HIVEP2: variants seen among roughly 807,000 people sequenced by gnomAD.
HIVEP2 encodes the protein HIVEP zinc finger 2, also known as transcription factor HIVEP2.
A neutral mutation model predicts 180.7 loss-of-function variants in HIVEP2; 14 were observed. That is an observed-to-expected ratio of 0.08 (90% CI 0.05 to 0.12). HIVEP2 has a LOEUF of 0.12. Among genes scored for constraint, HIVEP2 ranks in the 10% least tolerant of loss-of-function variants. The pLI, the probability that HIVEP2 is intolerant of heterozygous loss-of-function variation, is 1.00. For missense variants in HIVEP2, 2,579 were observed against 3,008.5 expected (o/e 0.86, Z 3.34); for synonymous variants, 1,184 against 1,136.4 (o/e 1.04, Z -0.84).
intron 1 of HIVEP2, among the ~76,000 whole-genome samples, chr6:142,840,420 G>C (rs1031237334): frequency 2.0e-5 from 3 of 151,814 alleles, no homozygotes; most frequent in Non-Finnish European, 2.9e-5. Context: ...TTAAAACATT[G>C]ATGACATTTT....
At position 142,776,252 on chromosome 6, in the gene HIVEP2, T is replaced by C. The variant is rs147416884; in HGVS notation, c.-432-61A>G. On this transcript the variant is annotated intron_variant, in intron 3 of 9. Transcript: ENST00000367603. ...TCCATTAAACCTTACCATCGATATATACAAATACAAATTCCAATTTCCAGT... is the reference window on the plus strand; with the variant it reads ...TCCATTAAACCTTACCATCGATATACACAAATACAAATTCCAATTTCCAGT... The C allele has an allele frequency of 7.9e-5, 12 of 152,676 alleles. No individual in the cohort carries two copies. In the East Asian group the frequency reaches 1.7e-3, roughly 22 times the overall value. The allele number at this position is 152,676 out of a possible 1,614,324, so 9.5% of individuals were successfully genotyped here.
intron 1 of HIVEP2, among the ~76,000 whole-genome samples, chr6:142,838,772 T>A (rs1775287613): frequency 6.6e-6 from 1 of 152,162 alleles, no homozygotes; most frequent in South Asian, 2.1e-4. Flanking sequence ...TAAAACTGAC[T>A]TACGCAAAAG....
intron 3 of HIVEP2, among the ~76,000 whole-genome samples, 195 bp downstream of exon 3, chr6:142,783,326 C>CA (rs567202980): frequency 0.3 from 20,733 of 70,266 alleles, 5,572 homozygotes; most frequent in East Asian, 0.54. Context: ...GACTCCGTCA[C>CA]AAAAAAAAAA....
intron 9 of HIVEP2, among the ~76,000 whole-genome samples, chr6:142,758,313 A>G (rs1339519542): frequency 6.6e-6 from 1 of 152,212 alleles, no homozygotes; most frequent in Non-Finnish European, 1.5e-5. Flanking sequence ...AGACTTGTGA[A>G]AAGATGGTGC....
chr6:142,806,644 T>C (rs1271760903), intron 2 of HIVEP2, among the ~76,000 whole-genome samples: 3 of 152,168 alleles, frequency 2.0e-5, no homozygotes, highest in African/African-American at 4.8e-5. Flanking sequence ...TTTCTAGAGG[T>C]AGGCTTTGAG....
intron 1 of HIVEP2, among the ~76,000 whole-genome samples, chr6:142,942,245 T>C (rs530203927): frequency 1.3e-4 from 20 of 151,882 alleles, no homozygotes; most frequent in Non-Finnish European, 2.5e-4. Context: ...CCCAATACAG[T>C]GTACAACACA....
intron 1 of HIVEP2, among the ~76,000 whole-genome samples, chr6:142,877,517 C>G (rs1167986755): frequency 6.6e-6 from 1 of 152,152 alleles, no homozygotes. Context: ...TTAGGATTTA[C>G]ACATCTTGTT....
chr6:142,771,481 G>A lies in HIVEP2; in HGVS notation c.3258C>T (p.Phe1086=). ...CCTGGGAGATTTCTGGGGAGCCACTGAAGGAAGCTTGCCGCACCAGAAAGC... is the reference window on the plus strand; with the variant it reads ...CCTGGGAGATTTCTGGGGAGCCACTAAAGGAAGCTTGCCGCACCAGAAAGC... The part of the protein sequence containing the change: ...KKCFLVRQAS[F]SGSPEISQGE... Residue 1086 remains phenylalanine (F), a synonymous_variant, in exon 5 of 10, where the codon TTC becomes TTT. Transcript: ENST00000367603. This position sits in a 1 kb window ranked among gnomAD's most constrained non-coding sequence, Gnocchi z 5.4. 6.2e-7 allele frequency: 1 copy of A among 1,613,648 alleles called. No individual in the cohort carries two copies. Among genetic ancestry groups the A allele is most frequent in the Non-Finnish European group, 8.5e-7 (1 of 1,180,034 alleles).
chr6:142,818,741 G>GAAAGAAAGAA (rs1776931346), intron 2 of HIVEP2, among the ~76,000 whole-genome samples: 4 of 76,424 alleles, frequency 5.2e-5, no homozygotes, highest in African/African-American at 1.0e-4. Flanking sequence ...AGAAAAGAAA[G>GAAAGAAAGAA]AAAGAAAGAA....
chr6:142,757,116 T>C (rs1775097587), intron 9 of HIVEP2, among the ~76,000 whole-genome samples: 3 of 152,162 alleles, frequency 2.0e-5, no homozygotes, highest in Admixed American at 1.3e-4. Context: ...ATGATCACCA[T>C]TACTCCAAAC....
At chr6:142,866,829 G>A (rs1367777957) in intron 1 of HIVEP2, among the ~76,000 whole-genome samples, 1 of 152,088 alleles carries the variant, frequency 6.6e-6, no homozygotes, top group South Asian at 2.1e-4. Context: ...GGCCAATGTG[G>A]CTACTTACCC....
At chr6:142,867,962 G>A (rs1405892713) in intron 1 of HIVEP2, among the ~76,000 whole-genome samples, 4 of 152,094 alleles carry the variant, frequency 2.6e-5, no homozygotes, top group African/African-American at 7.2e-5. Flanking sequence ...GTCATCCATT[G>A]AATAACATGA....
chr6:142,870,661 G>A (rs1776269879), intron 1 of HIVEP2, among the ~76,000 whole-genome samples: 1 of 152,258 alleles, frequency 6.6e-6, no homozygotes, highest in East Asian at 1.9e-4. Context: ...TGCTCTGGGT[G>A]CATTACTTCA....
rs181815786 is a variant in HIVEP2 at position 142,752,972 on chromosome 6, T to C, written c.*135A>G. 2.2e-5 allele frequency: 14 copies of C among 626,686 alleles called. No homozygotes were observed. Among genetic ancestry groups the C allele is most frequent in the South Asian group, 1.2e-4 (6 of 50,518 alleles). The allele number at this position is 626,686 out of a possible 1,614,324, so 38.8% of individuals were successfully genotyped here. A position where few individuals can be genotyped will look rare whatever the true frequency, so the allele number is the denominator to read the frequency against. ...GTTAATTTACCTAATTCTTTTGATATAACAAAAGTATATATAATAGCAAAC... is the reference window on the plus strand; with the variant it reads ...GTTAATTTACCTAATTCTTTTGATACAACAAAAGTATATATAATAGCAAAC... On this transcript the variant is annotated 3_prime_UTR_variant, in exon 10 of 10. Coordinates refer to ENST00000367603, the MANE Select transcript of HIVEP2 (RefSeq NM_006734.4).
At chr6:142,933,064 G>C (rs970864484) in intron 1 of HIVEP2, among the ~76,000 whole-genome samples, 8 of 152,244 alleles carry the variant, frequency 5.3e-5, no homozygotes, top group South Asian at 2.1e-4. Flanking sequence ...CTCACAAAAA[G>C]CTCAACTGGG....
chr6:142,924,089 G>A (rs1189306453), intron 1 of HIVEP2, among the ~76,000 whole-genome samples: 1 of 152,220 alleles, frequency 6.6e-6, no homozygotes, highest in Non-Finnish European at 1.5e-5. Context: ...GAGGACTGCA[G>A]ATGATTAGAA....
intron 2 of HIVEP2, among the ~76,000 whole-genome samples, chr6:142,791,741 A>G (rs1013370693): frequency 1.1e-4 from 16 of 152,226 alleles, no homozygotes; most frequent in Admixed American, 6.5e-4. Flanking sequence ...ATCCCCAAAT[A>G]CATATAAATT....
intron 3 of HIVEP2, among the ~76,000 whole-genome samples, chr6:142,777,079 T>C (rs1775720985): frequency 6.6e-6 from 1 of 152,182 alleles, no homozygotes; most frequent in Non-Finnish European, 1.5e-5. Context: ...TCCACTGTCA[T>C]AGAACCTCAG....
chr6:142,847,902 T>C (rs1207534323), intron 1 of HIVEP2, among the ~76,000 whole-genome samples: 1 of 152,244 alleles, frequency 6.6e-6, no homozygotes, highest in Non-Finnish European at 1.5e-5. Flanking sequence ...TCAGGAAACA[T>C]GTTTCTTATT....
Sources: allele counts gnomAD v4.1 joint callset (sites outside exome capture counted in the v4.1 genomes callset), GRCh38; gene constraint gnomAD v4.1.1; non-coding constraint Gnocchi (gnomAD v3.1); transcripts MANE v1.5; gene names NCBI Gene and HGNC (gene_info 2026-07-23, HGNC 2026-07-21).